The following SMYD3 variants were observed in gnomAD, a reference collection of about 807,000 sequenced individuals.
SMYD3 encodes the protein histone-lysine N-methyltransferase SMYD3.
Under a neutral mutation model 57.7 loss-of-function variants are expected in SMYD3, and 36 were observed. That is an observed-to-expected ratio of 0.62 (90% confidence interval 0.48 to 0.82). SMYD3 has a LOEUF of 0.82. Among genes scored for constraint, SMYD3 ranks in the 40% least tolerant of loss-of-function variants. The pLI is 0.00. For missense variants in SMYD3, 515 were observed against 538.8 expected (o/e 0.96, Z 0.44); for synonymous variants, 211 against 195.0 (o/e 1.08, Z -0.68).
At chr1:245,880,675 G>T (rs549124913) in intron 8 of SMYD3, among the ~76,000 whole-genome samples, 1 of 152,208 alleles carries the variant, frequency 6.6e-6, no homozygotes, top group South Asian at 2.1e-4. Context: ...ACAAAGTGGT[G>T]GAGAAGGACT....
intron 5 of SMYD3, among the ~76,000 whole-genome samples, chr1:246,033,773 T>A (rs1020615707): frequency 3.3e-5 from 5 of 152,038 alleles, no homozygotes; most frequent in African/African-American, 1.2e-4. Flanking sequence ...GGCAACAGAG[T>A]GAGACTCTGC....
intron 5 of SMYD3, among the ~76,000 whole-genome samples, chr1:245,948,492 A>G (rs1180468075): frequency 6.6e-6 from 1 of 152,094 alleles, no homozygotes; most frequent in Non-Finnish European, 1.5e-5. Context: ...TGTGGTCCTT[A>G]GACTAACAGA....
intron 5 of SMYD3, chr1:246,111,350 C>T (rs561711311): frequency 6.6e-6 from 1 of 152,190 alleles, no homozygotes; most frequent in South Asian, 2.1e-4. Flanking sequence ...ATCTCAATGG[C>T]TACTTACATG....
chr1:245,848,134 C>CTGT (rs2050760111), intron 10 of SMYD3, among the ~76,000 whole-genome samples: 1 of 149,360 alleles, frequency 6.7e-6, no homozygotes, highest in Non-Finnish European at 1.5e-5. Context: ...GGGTCTCATG[C>CTGT]TGTTGCCCAA....
At chr1:246,001,937 T>C (rs2059056341) in intron 5 of SMYD3, among the ~76,000 whole-genome samples, 1 of 152,174 alleles carries the variant, frequency 6.6e-6, no homozygotes, top group Non-Finnish European at 1.5e-5. Context: ...GCCGCCAGTC[T>C]TCCAGCTCTG....
chr1:246,506,994 C>CCCCCCCCCCCCCCCCCCCCCCCCCCA, intron 1 of SMYD3, 60 bp downstream of exon 1: 1 of 894,066 alleles, frequency 1.1e-6, no homozygotes, highest in Non-Finnish European at 1.5e-6. Flanking sequence ...CCGACGCCCC[C>CCCCCCCCCCCCCCCCCCCCCCCCCCA]CCCTCCCCAG....
At chr1:246,414,717 GT>G (rs1311609589) in intron 1 of SMYD3, among the ~76,000 whole-genome samples, 6 of 123,366 alleles carry the variant, frequency 4.9e-5, no homozygotes, top group African/African-American at 6.2e-5. Flanking sequence ...TTTTTTGCTG[GT>G]TTTTTTTTTT....
chr1:245,908,239 A>G (rs966608386), intron 8 of SMYD3, among the ~76,000 whole-genome samples: 1 of 138,620 alleles, frequency 7.2e-6, no homozygotes, highest in Admixed American at 7.6e-5. Flanking sequence ...ATTAAGTCAA[A>G]AAACAAAGAG....
chr1:245,907,026 C>T (rs942843317), intron 8 of SMYD3, among the ~76,000 whole-genome samples: 2 of 152,148 alleles, frequency 1.3e-5, no homozygotes, highest in African/African-American at 2.4e-5. Flanking sequence ...CAATTGAACT[C>T]ATGGACAGAG....
intron 1 of SMYD3, among the ~76,000 whole-genome samples, chr1:246,494,041 G>A (rs1185853613): frequency 6.6e-6 from 1 of 152,150 alleles, no homozygotes; most frequent in African/African-American, 2.4e-5. Flanking sequence ...CTCATCTCCA[G>A]TCTTTCCACT....
intron 5 of SMYD3, among the ~76,000 whole-genome samples, chr1:245,978,337 G>A (rs1338899422): frequency 1.3e-5 from 2 of 152,162 alleles, no homozygotes; most frequent in Admixed American, 1.3e-4. Flanking sequence ...TTTTCCTAGT[G>A]TGTGCAGGCA....
intron 1 of SMYD3, among the ~76,000 whole-genome samples, chr1:246,469,660 A>G (rs1032472978): frequency 6.6e-6 from 1 of 152,202 alleles, no homozygotes; most frequent in Non-Finnish European, 1.5e-5. Flanking sequence ...TACATAAATA[A>G]ATAGAGGAGA....
At chr1:246,179,006 C>A (rs2062483962) in intron 5 of SMYD3, 1 of 152,802 alleles carries the variant, frequency 6.5e-6, no homozygotes, top group African/African-American at 2.4e-5. Context: ...TTCCTGCTTC[C>A]ATTGTAGGAT....
chr1:246,365,102 C>T lies in SMYD3; in HGVS notation c.165-10008G>A, dbSNP rs146159079. ...GTTACATACAAAGTAACCAATATAC[C>T]CAGTCTCAAAATCTATAAAGTATAC... On this transcript the variant is annotated intron_variant, in intron 1 of 11. Coordinates refer to ENST00000490107, the MANE Select transcript of SMYD3 (RefSeq NM_001167740.2). 4.1e-3 allele frequency among the ~76,000 whole-genome samples: 622 copies of T among 152,024 alleles called. 2 individuals are homozygous for T. Among genetic ancestry groups the T allele is most frequent in the African/African-American group, 0.013 (548 of 41,458 alleles).
intron 5 of SMYD3, among the ~76,000 whole-genome samples, chr1:246,182,003 T>C (rs2062559525): frequency 6.6e-6 from 1 of 152,242 alleles, no homozygotes; most frequent in Non-Finnish European, 1.5e-5. Context: ...TTATTTGAAA[T>C]CTTCAAAGAA....
At chr1:245,788,979 C>T (rs2047158789) in intron 10 of SMYD3, 1 of 152,204 alleles carries the variant, frequency 6.6e-6, no homozygotes, top group South Asian at 2.1e-4. Context: ...GAGGTTTGGA[C>T]TAGGGGACCG....
At chr1:246,069,957 C>T (rs1484910146) in intron 5 of SMYD3, among the ~76,000 whole-genome samples, 1 of 152,152 alleles carries the variant, frequency 6.6e-6, no homozygotes, top group Non-Finnish European at 1.5e-5. Context: ...ATCTCAATTG[C>T]CCCCTTCCCT....
chr1:246,371,805 G>C (rs770958935), intron 1 of SMYD3, among the ~76,000 whole-genome samples: 1 of 152,136 alleles, frequency 6.6e-6, no homozygotes, highest in Non-Finnish European at 1.5e-5. Flanking sequence ...CTTCAGCTTC[G>C]GGGGTGGGAA....
At chr1:245,979,984 G>C (rs1428159364) in intron 5 of SMYD3, among the ~76,000 whole-genome samples, 1 of 152,218 alleles carries the variant, frequency 6.6e-6, no homozygotes, top group Non-Finnish European at 1.5e-5. Context: ...CAGTCTAGTG[G>C]ACATCGCACG....
Sources: gnomAD v4.1 joint callset for allele counts (sites outside exome capture counted in the v4.1 genomes callset) on GRCh38, gnomAD v4.1.1 for gene constraint, MANE v1.5 for transcripts, NCBI Gene and HGNC (gene_info 2026-07-23, HGNC 2026-07-21) for gene names.